Variants in GSAP observed in about 807,000 individuals in gnomAD.
GSAP encodes gamma-secretase activating protein, also known as gamma-secretase-activating protein.
A neutral mutation model predicts 131.7 loss-of-function variants in GSAP; 118 were observed. The observed-to-expected ratio is 0.90, with a 90% confidence interval of 0.77 to 1.04. The LOEUF (loss-of-function observed/expected upper bound fraction) is 1.04. Among genes scored for constraint, GSAP ranks in the 50% least tolerant of loss-of-function variants. GSAP has a pLI of 0.00. For missense variants in GSAP, 1,019 were observed against 1,013.2 expected (o/e 1.01, Z -0.08); for synonymous variants, 381 against 363.4 (o/e 1.05, Z -0.55).
chr7:77,372,051 T>C (rs913368953), intron 12 of GSAP, among the ~76,000 whole-genome samples: 3 of 152,246 alleles, frequency 2.0e-5, no homozygotes, highest in African/African-American at 7.2e-5. Flanking sequence ...GTTCACAACA[T>C]CACCTGTGAA....
chr7:77,322,582 GTTTTT>G (rs61272117), intron 24 of GSAP, among the ~76,000 whole-genome samples: 4 of 125,166 alleles, frequency 3.2e-5, no homozygotes, highest in Admixed American at 8.0e-5. Context: ...TGTGTTGTGA[GTTTTT>G]TTTTTTTTTT....
At chr7:77,333,581 C>T (rs1480845475) in intron 19 of GSAP, among the ~76,000 whole-genome samples, 1 of 152,180 alleles carries the variant, frequency 6.6e-6, no homozygotes, top group African/African-American at 2.4e-5. Flanking sequence ...TAATCCCGGG[C>T]ACCCCACCCT....
chr7:77,405,143 T>C (rs890031174), intron 2 of GSAP, among the ~76,000 whole-genome samples: 2 of 152,214 alleles, frequency 1.3e-5, no homozygotes, highest in Non-Finnish European at 2.9e-5. Flanking sequence ...GAAAACACAT[T>C]GTTAAATAAC....
chr7:77,354,418 G>C (rs1369945327), intron 16 of GSAP, among the ~76,000 whole-genome samples: 1 of 152,018 alleles, frequency 6.6e-6, no homozygotes, highest in African/African-American at 2.4e-5. Context: ...TAGGTTTAGG[G>C]GAAACAACTA....
At chr7:77,348,152 A>G (rs565578601) in intron 19 of GSAP, among the ~76,000 whole-genome samples, 106 of 152,114 alleles carry the variant, frequency 7.0e-4, no homozygotes, top group African/African-American at 2.3e-3. Flanking sequence ...CTGGGCAACA[A>G]AGAGAGACCC....
intron 8 of GSAP, among the ~76,000 whole-genome samples, chr7:77,378,766 C>T (rs1797356486): frequency 6.6e-6 from 1 of 152,302 alleles, no homozygotes; most frequent in South Asian, 2.1e-4. Flanking sequence ...AGTGCATCAG[C>T]TGACCTCGAA....
intron 3 of GSAP, among the ~76,000 whole-genome samples, chr7:77,402,434 A>AC (rs1563127736): frequency 1.6e-4 from 24 of 147,132 alleles, no homozygotes; most frequent in African/African-American, 5.9e-4. Context: ...ACACACACAC[A>AC]GAAAAAAAAG....
chr7:77,416,174 T>TCCCCCCCCC, intron 1 of GSAP, 39 bp downstream of exon 1: 1 of 1,113,448 alleles, frequency 9.0e-7, no homozygotes, highest in South Asian at 1.7e-5. Context: ...GGACTCCCAC[T>TCCCCCCCCC]CCCCGCCCCC....
intron 22 of GSAP, 44 bp from the exon 23 acceptor site, chr7:77,326,317 G>A: frequency 7.5e-7 from 1 of 1,338,272 alleles, no homozygotes; most frequent in Non-Finnish European, 1.1e-6. Flanking sequence ...GCAGTTTTCA[G>A]GAGATGGGTT....
intron 12 of GSAP, among the ~76,000 whole-genome samples, chr7:77,363,432 A>G (rs2150928339): frequency 6.6e-6 from 1 of 152,348 alleles, no homozygotes; most frequent in South Asian, 2.1e-4. Context: ...TAACTGAAAT[A>G]GGAGATTGAC....
intron 10 of GSAP, among the ~76,000 whole-genome samples, chr7:77,376,231 G>A (rs925375986): frequency 1.3e-5 from 2 of 152,138 alleles, no homozygotes; most frequent in African/African-American, 4.8e-5. Context: ...TAAATGATTA[G>A]AAACTGCAAT....
chr7:77,407,395 A>G (rs1802481021), intron 1 of GSAP, among the ~76,000 whole-genome samples: 1 of 152,128 alleles, frequency 6.6e-6, no homozygotes, highest in African/African-American at 2.4e-5. Context: ...TTTTCCTCCA[A>G]TCTGACATTC....
At chr7:77,346,287 A>AAAAAG (rs1554395428) in intron 19 of GSAP, among the ~76,000 whole-genome samples, 5 of 150,426 alleles carry the variant, frequency 3.3e-5, no homozygotes, top group Non-Finnish European at 5.9e-5. Context: ...AAAAAAAAAA[A>AAAAAG]AAAGAAAGAA....
intron 3 of GSAP, 112 bp downstream of exon 3, chr7:77,404,447 A>C (rs1265996296): frequency 2.9e-6 from 2 of 694,330 alleles, no homozygotes; most frequent in Non-Finnish European, 5.1e-6. Context: ...TTTCAAATAA[A>C]ATGTTTACAG....
At chr7:77,356,609 C>A (rs1293538405) in intron 14 of GSAP, among the ~76,000 whole-genome samples, 1 of 152,114 alleles carries the variant, frequency 6.6e-6, no homozygotes, top group Non-Finnish European at 1.5e-5. Flanking sequence ...CACCTTCAGT[C>A]CCTGCACTAG....
intron 1 of GSAP, among the ~76,000 whole-genome samples, chr7:77,407,563 TTA>T (rs1256693448): frequency 1.3e-5 from 2 of 152,210 alleles, no homozygotes; most frequent in African/African-American, 4.8e-5. Flanking sequence ...CTATTGTCAG[TTA>T]TATGTTTTTG....
intron 7 of GSAP, among the ~76,000 whole-genome samples, chr7:77,381,669 A>G (rs1430682940): frequency 6.6e-6 from 1 of 152,102 alleles, no homozygotes; most frequent in Non-Finnish European, 1.5e-5. Context: ...CCCCTATACC[A>G]TCAGCGTTAT....
chr7:77,325,579 G>T (rs940820070), intron 23 of GSAP, among the ~76,000 whole-genome samples: 1 of 152,154 alleles, frequency 6.6e-6, no homozygotes, highest in Non-Finnish European at 1.5e-5. Flanking sequence ...GTTGTTTTGT[G>T]TTGTTTTCTG....
At chr7:77,395,759 G>C (rs1022105457) in intron 5 of GSAP, among the ~76,000 whole-genome samples, 2 of 152,196 alleles carry the variant, frequency 1.3e-5, no homozygotes, top group Admixed American at 6.5e-5. Flanking sequence ...GCCTCATGTG[G>C]AAAGTAAGTA....
Sources: allele counts gnomAD v4.1 joint callset (sites outside exome capture counted in the v4.1 genomes callset), GRCh38; gene constraint gnomAD v4.1.1; transcripts MANE v1.5; gene names NCBI Gene and HGNC (gene_info 2026-07-23, HGNC 2026-07-21).